Variants in CGGBP1 observed in about 807,000 individuals in gnomAD.
CGGBP1 encodes the protein CGG triplet repeat-binding protein 1.
In CGGBP1, 4 loss-of-function variants were observed where a neutral mutation model predicts 11.4. The observed-to-expected ratio is 0.35, with a 90% CI of 0.17 to 0.80. The LOEUF (loss-of-function observed/expected upper bound fraction) is 0.80. Among genes scored for constraint, CGGBP1 ranks in the 30% least tolerant of loss-of-function variants. CGGBP1 has a pLI of 0.52. For synonymous variants in CGGBP1, 76 were observed against 74.1 expected, an observed-to-expected ratio of 1.03 and a Z score of -0.13; for missense variants, 135 against 202.1, an observed-to-expected ratio of 0.67 and a Z score of 2.01.
At chr3:88,094,765 TA>T (rs914393055) in intron 2 of CGGBP1, among the ~76,000 whole-genome samples, 4 of 152,242 alleles carry the variant, frequency 2.6e-5, no homozygotes, top group African/African-American at 9.6e-5. Context: ...GTCAGATCAT[TA>T]AAAAACTACA....
intron 2 of CGGBP1, among the ~76,000 whole-genome samples, chr3:88,078,106 G>C (rs1707909039): frequency 6.6e-6 from 1 of 152,118 alleles, no homozygotes; most frequent in South Asian, 2.1e-4. Flanking sequence ...AAACTATTGT[G>C]AATATCGGAC....
At chr3:88,061,590 G>A (rs1336271215), upstream of CGGBP1, among the ~76,000 whole-genome samples, 1 of 152,068 alleles carries the variant, frequency 6.6e-6, no homozygotes, top group African/African-American at 2.4e-5. Flanking sequence ...TGAGCTTTGT[G>A]AAGTCCTTTT....
intron 2 of CGGBP1, chr3:88,135,330 C>T: frequency 1.5e-6 from 1 of 656,156 alleles, no homozygotes; most frequent in Non-Finnish European, 2.3e-6. Flanking sequence ...CCACATTCTC[C>T]ATACATTACA....
upstream of CGGBP1, chr3:88,059,317 C>G: frequency 6.5e-7 from 1 of 1,534,004 alleles, no homozygotes; most frequent in South Asian, 1.2e-5. Context: ...CGGCGAGAGC[C>G]TCATGGCGGA....
At chr3:88,106,531 G>T (rs1379763329) in intron 2 of CGGBP1, among the ~76,000 whole-genome samples, 1 of 151,978 alleles carries the variant, frequency 6.6e-6, no homozygotes, top group African/African-American at 2.4e-5. Flanking sequence ...TAGAGACAAG[G>T]TTTCGTTCGC....
At chr3:88,139,320 A>G in intron 2 of CGGBP1, 1 of 1,602,900 alleles carries the variant, frequency 6.2e-7, no homozygotes, top group Non-Finnish European at 8.5e-7. Context: ...TATGTTATGT[A>G]ACAAGGAATT....
intron 2 of CGGBP1, among the ~76,000 whole-genome samples, chr3:88,097,768 T>C (rs1704150900): frequency 1.3e-5 from 2 of 152,160 alleles, no homozygotes; most frequent in Non-Finnish European, 2.9e-5. Context: ...GAAATAAAGA[T>C]GTTCTTTGAA....
chr3:88,138,588 A>G, intron 2 of CGGBP1: 1 of 546,226 alleles, frequency 1.8e-6, no homozygotes, highest in Non-Finnish European at 2.8e-6. Context: ...AAAATTGGAC[A>G]TTGGAATACT....
intron 2 of CGGBP1, chr3:88,126,245 G>A: frequency 6.6e-7 from 1 of 1,523,154 alleles, no homozygotes; most frequent in Non-Finnish European, 8.8e-7. Flanking sequence ...TGTCCTTAAA[G>A]CTCAGCCAGC....
At chr3:88,092,499 C>T (rs1401431798) in intron 2 of CGGBP1, among the ~76,000 whole-genome samples, 2 of 152,094 alleles carry the variant, frequency 1.3e-5, no homozygotes, top group Non-Finnish European at 2.9e-5. Flanking sequence ...ACTTGCTGTA[C>T]TCTGAAGGAA....
At chr3:88,060,859 A>T (rs1169218107), upstream of CGGBP1, among the ~76,000 whole-genome samples, 19 of 152,038 alleles carry the variant, frequency 1.2e-4, no homozygotes, top group Non-Finnish European at 2.5e-4. Flanking sequence ...AAGAAAAAGG[A>T]TGGAGTTGAC....
chr3:88,086,209 A>G (rs1245448059), intron 2 of CGGBP1: 1 of 1,483,744 alleles, frequency 6.7e-7, no homozygotes, highest in Admixed American at 2.3e-5. Flanking sequence ...TAAACTCGAG[A>G]TGTTGAGAAC....
intron 2 of CGGBP1, among the ~76,000 whole-genome samples, chr3:88,110,238 A>G (rs1705005957): frequency 6.6e-6 from 1 of 152,132 alleles, no homozygotes; most frequent in South Asian, 2.1e-4. Context: ...TTACTCATCA[A>G]TTAAGTAGTG....
chr3:88,132,401 A>T (rs1235879419), intron 2 of CGGBP1, among the ~76,000 whole-genome samples: 1 of 152,156 alleles, frequency 6.6e-6, no homozygotes, highest in African/African-American at 2.4e-5. Flanking sequence ...TTTCTAATGC[A>T]CACATTGAAT....
chr3:88,088,081 A>G (rs1708430614), intron 2 of CGGBP1, among the ~76,000 whole-genome samples: 1 of 152,236 alleles, frequency 6.6e-6, no homozygotes, highest in South Asian at 2.1e-4. Flanking sequence ...CACTCAACCT[A>G]TACTACTTTT....
At position 88,094,361 on chromosome 3, in the gene CGGBP1, G is replaced by A. The variant is rs1275454190; in HGVS notation, c.-228-36138C>T. Among the ~76,000 whole-genome samples, 10 of 152,096 alleles carry A rather than the reference G, an allele frequency of 6.6e-5. No homozygotes were observed. The East Asian group carries it at 1.9e-3, about 29-fold the overall frequency. ...TTTATTGCTCCTTTTATTGATTTTGGAGTAAAGTGGTTGGGACTATAGTTG... is the reference window on the plus strand; with the variant it reads ...TTTATTGCTCCTTTTATTGATTTTGAAGTAAAGTGGTTGGGACTATAGTTG... On this transcript the variant is annotated intron_variant, in intron 2 of 3. Coordinates refer to the CGGBP1 transcript ENST00000462901.
intron 2 of CGGBP1, among the ~76,000 whole-genome samples, chr3:88,131,320 CTG>C (rs1706450099): frequency 6.6e-6 from 1 of 152,118 alleles, no homozygotes. Flanking sequence ...CTGCGTATAA[CTG>C]TAGTTTTTGA....
intron 1 of CGGBP1, among the ~76,000 whole-genome samples, 178 bp downstream of exon 1, chr3:88,058,637 C>A (rs1341491597): frequency 6.6e-6 from 1 of 152,226 alleles, no homozygotes; most frequent in Non-Finnish European, 1.5e-5. Flanking sequence ...TCAAGGGAGG[C>A]GGCGGCAGGC....
At chr3:88,057,532 T>C (rs1002818217) in intron 2 of CGGBP1, 3 of 152,196 alleles carry the variant, frequency 2.0e-5, no homozygotes, top group Non-Finnish European at 4.4e-5. Context: ...GGTTCTAACC[T>C]AGTTGTGGTA....
Sources: gnomAD v4.1 joint callset for allele counts (sites outside exome capture counted in the v4.1 genomes callset) on GRCh38, gnomAD v4.1.1 for gene constraint, MANE v1.5 for transcripts, NCBI Gene and HGNC (gene_info 2026-07-23, HGNC 2026-07-21) for gene names.